Variants in PATJ observed in about 807,000 individuals in gnomAD.
PATJ encodes the protein inaD-like protein.
A neutral mutation model predicts 224.9 loss-of-function variants in PATJ; 190 were observed. The ratio of observed to expected loss-of-function variants is 0.84; its 90% CI spans 0.75 to 0.95. PATJ has a LOEUF of 0.95. Among genes scored for constraint, PATJ ranks in the 40% least tolerant of loss-of-function variants. The pLI, the probability that PATJ is intolerant of heterozygous loss-of-function variation, is 0.00. For missense variants in PATJ, 2,121 were observed against 2,270.3 expected (o/e 0.93, Z 1.34); for synonymous variants, 769 against 820.3 (o/e 0.94, Z 1.07).
intron 39 of PATJ, among the ~76,000 whole-genome samples, chr1:62,126,835 TTG>T (rs145858789): frequency 1.1e-4 from 17 of 151,322 alleles, no homozygotes; most frequent in African/African-American, 2.9e-4. Flanking sequence ...GCATAGGGTG[TTG>T]TGTGTGTGTG....
intron 27 of PATJ, among the ~76,000 whole-genome samples, chr1:61,944,172 A>G (rs370801909): frequency 2.2e-4 from 33 of 152,326 alleles, no homozygotes; most frequent in African/African-American, 7.2e-4. Context: ...CTTCTCCTCC[A>G]AAGAAACGCA....
chr1:61,918,875 A>G (rs770084274), intron 26 of PATJ, among the ~76,000 whole-genome samples: 8 of 152,022 alleles, frequency 5.3e-5, no homozygotes, highest in Non-Finnish European at 1.0e-4. Flanking sequence ...AGCTGGGAGG[A>G]TCACTTGAGC....
At chr1:61,960,329 C>T (rs1303872949) in intron 27 of PATJ, among the ~76,000 whole-genome samples, 1 of 152,138 alleles carries the variant, frequency 6.6e-6, no homozygotes, top group Admixed American at 6.6e-5. Context: ...TCCTTTCCCT[C>T]ATATCTTCCT....
intron 37 of PATJ, among the ~76,000 whole-genome samples, chr1:62,119,437 G>A (rs754243356): frequency 2.6e-5 from 4 of 152,144 alleles, no homozygotes; most frequent in African/African-American, 4.8e-5. Context: ...TCTTTTGAGC[G>A]CTAAGGAGAA....
chr1:61,933,455 C>T (rs183876659), intron 27 of PATJ, among the ~76,000 whole-genome samples: 56 of 151,032 alleles, frequency 3.7e-4, no homozygotes, highest in Admixed American at 1.2e-3. Context: ...GCAGAAGAAT[C>T]GCTTGAACTT....
At chr1:62,138,553 C>T (rs1376455487) in intron 41 of PATJ, among the ~76,000 whole-genome samples, 1 of 151,956 alleles carries the variant, frequency 6.6e-6, no homozygotes. Flanking sequence ...GTGATCCACC[C>T]GCCTCAGCCT....
intron 23 of PATJ, 86 bp from the exon 24 acceptor site, chr1:61,901,196 C>G: frequency 1.4e-6 from 1 of 709,622 alleles, no homozygotes; most frequent in South Asian, 4.1e-5. Context: ...AAATATGAGT[C>G]ACAAGGATAT....
chr1:62,055,041 G>T (rs767017666), intron 31 of PATJ, among the ~76,000 whole-genome samples: 14 of 152,066 alleles, frequency 9.2e-5, no homozygotes, highest in Non-Finnish European at 2.1e-4. Context: ...GCAACAGAGC[G>T]AGACTGTGTC....
chr1:62,037,456 C>T lies in PATJ; in HGVS notation c.3960-521C>T, dbSNP rs535403133. Among the ~76,000 whole-genome samples the T allele has an allele frequency of 2.6e-4, 39 of 152,178 alleles. 1 individual carries two copies. In the South Asian group the frequency reaches 7.9e-3, roughly 31 times the overall value. On this transcript the variant is annotated intron_variant, in intron 29 of 43. Transcript: ENST00000642238. ...AAAGCATTGTCTGTCTGGAGCTCTG[C>T]CCTCCCCCTCAATCACTCCTCCTCA...
chr1:62,081,636 C>T (rs1479779734), intron 32 of PATJ, among the ~76,000 whole-genome samples: 1 of 151,458 alleles, frequency 6.6e-6, no homozygotes. Context: ...GGTGTGATCT[C>T]GGCTCACTGC....
intron 27 of PATJ, among the ~76,000 whole-genome samples, chr1:61,974,382 C>A (rs1487868891): frequency 2.7e-5 from 4 of 148,750 alleles, no homozygotes; most frequent in Admixed American, 6.7e-5. Context: ...CTCAGAGATA[C>A]CCCCATCTCT....
chr1:62,129,309 C>T (rs1488465379), intron 41 of PATJ, among the ~76,000 whole-genome samples: 1 of 152,166 alleles, frequency 6.6e-6, no homozygotes, highest in East Asian at 1.9e-4. Context: ...GCTGTTTCTT[C>T]TTTTCCCCTT....
intron 27 of PATJ, among the ~76,000 whole-genome samples, chr1:61,972,617 A>G (rs1683136803): frequency 6.6e-6 from 1 of 152,082 alleles, no homozygotes; most frequent in Non-Finnish European, 1.5e-5. Flanking sequence ...TTACTTTAAG[A>G]CACTCTCTAT....
chr1:61,813,378 T>G (rs61770139), intron 14 of PATJ, among the ~76,000 whole-genome samples: 1 of 46,356 alleles, frequency 2.2e-5, no homozygotes, highest in Non-Finnish European at 4.4e-5. Context: ...TATATATATA[T>G]ACACACACAC....
At chr1:62,140,771 C>T (rs530990749) in intron 41 of PATJ, among the ~76,000 whole-genome samples, 10 of 151,986 alleles carry the variant, frequency 6.6e-5, no homozygotes, top group African/African-American at 2.2e-4. Flanking sequence ...GAGCTGGTCT[C>T]GGTGGTTCAC....
At position 61,988,437 on chromosome 1, in the gene PATJ, A is replaced by G. The variant is rs769267109; in HGVS notation, c.3671-1731A>G. Among the ~76,000 whole-genome samples the G allele has an allele frequency of 1.6e-4, 24 of 152,308 alleles. No homozygotes were observed. In the Middle Eastern group the frequency reaches 0.014, roughly 86 times the overall value. On this transcript the variant is annotated intron_variant, in intron 27 of 43. Transcript: ENST00000642238. ...TGTCTTACATGTCTCTATTCATTCAAGTACCCACACAGCATCTTGTTCTTG... is the reference window on the plus strand; with the variant it reads ...TGTCTTACATGTCTCTATTCATTCAGGTACCCACACAGCATCTTGTTCTTG...
rs1378066178 is a variant in PATJ at position 62,117,077 on chromosome 1, T to A, written c.4804-55T>A. ...GCAGGGAGAGGCTCTGTTAAGATAT[T>A]TCAGAATATAAATGCTACTACTTTT... On this transcript the variant is annotated intron_variant, in intron 36 of 43. Transcript: ENST00000642238. 6 of 1,427,692 alleles carry A rather than the reference T, an allele frequency of 4.2e-6. No individual in the cohort carries two copies. In the Admixed American group the frequency reaches 5.1e-5, roughly 12 times the overall value. 88.4% of individuals were successfully genotyped at this position (1,427,692 alleles called of 1,614,324 possible).
chr1:62,047,928 G>A (rs183284006), intron 30 of PATJ, among the ~76,000 whole-genome samples: 1 of 152,166 alleles, frequency 6.6e-6, no homozygotes, highest in Admixed American at 6.5e-5. Context: ...ATAATTGTTT[G>A]AAAGATTGTG....
intron 31 of PATJ, among the ~76,000 whole-genome samples, chr1:62,060,151 T>C (rs945502474): frequency 1.3e-5 from 2 of 152,180 alleles, no homozygotes; most frequent in African/African-American, 4.8e-5. Flanking sequence ...TCTATGCTTA[T>C]TTGTTAGGAA....
Sources: allele counts gnomAD v4.1 joint callset (sites outside exome capture counted in the v4.1 genomes callset), GRCh38; gene constraint gnomAD v4.1.1; transcripts MANE v1.5; gene names NCBI Gene and HGNC (gene_info 2026-07-23, HGNC 2026-07-21).